The following KCNAB1 variants were observed in gnomAD, a reference collection of about 807,000 sequenced individuals.
KCNAB1 encodes the protein voltage-gated potassium channel subunit beta-1.
A neutral mutation model predicts 64.6 loss-of-function variants in KCNAB1; 35 were observed. The observed-to-expected ratio is 0.54, with a 90% confidence interval of 0.41 to 0.72. The LOEUF is 0.72. KCNAB1 is among the 30% of genes least tolerant of loss of function. The pLI is 0.00. For missense variants in KCNAB1, 401 were observed against 512.9 expected, an observed-to-expected ratio of 0.78 and a Z score of 2.11; for synonymous variants, 177 against 183.8, an observed-to-expected ratio of 0.96 and a Z score of 0.30.
At chr3:156,352,981 C>T (rs1383174004) in intron 1 of KCNAB1, among the ~76,000 whole-genome samples, 1 of 152,242 alleles carries the variant, frequency 6.6e-6, no homozygotes. Context: ...TGCCTGGGCT[C>T]ACCCCACACA....
rs371800296 is a variant in KCNAB1, at chr3:156,279,191, C to T, written c.276-142425C>T. Among the ~76,000 whole-genome samples the T allele has an allele frequency of 9.5e-4, 142 of 149,174 alleles. 2 individuals carry two copies. In the South Asian group the frequency reaches 0.014, roughly 15 times the overall value. Reference sequence around the variant, plus strand: ...TCCATGTGATCTCATTGTTCAGTTCCCACCTATGAGTGAGAATATGCGGTG... The same window carrying T: ...TCCATGTGATCTCATTGTTCAGTTCTCACCTATGAGTGAGAATATGCGGTG... On this transcript the variant is annotated intron_variant, in intron 1 of 13. Transcript: ENST00000490337.
chr3:156,520,424 AC>A (rs1717865887), intron 11 of KCNAB1, among the ~76,000 whole-genome samples: 1 of 152,124 alleles, frequency 6.6e-6, no homozygotes, highest in African/African-American at 2.4e-5. Flanking sequence ...CTACAAAAAT[AC>A]AAAAAATTAG....
At chr3:156,384,192 A>G (rs1250588669) in intron 1 of KCNAB1, among the ~76,000 whole-genome samples, 2 of 152,244 alleles carry the variant, frequency 1.3e-5, no homozygotes, top group Admixed American at 1.3e-4. Flanking sequence ...ACTGAATGGC[A>G]GCTTGTTGGA....
At position 156,120,725 on chromosome 3, in the gene KCNAB1, C is replaced by T. The variant is rs773017927; in HGVS notation, c.114C>T (p.Ala38=). 8.1e-6 allele frequency: 13 copies of T among 1,614,098 alleles called. No homozygotes were observed. In the South Asian group the frequency reaches 1.2e-4, roughly 15 times the overall value. Residue 38 remains alanine (A), a synonymous_variant, in exon 1 of 14, where the codon GCC becomes GCT. Transcript: ENST00000490337. The stretch of plus-strand genomic sequence containing the variant: ...GGAAAGACAAATCTCCCAAGAAAGC[C>T]TCAGAAAACGCTAAAGACAGCAGCC... The part of the protein sequence containing the change: ...VAGKDKSPKK[A]SENAKDSSLS...
At chr3:156,210,163 G>A (rs1174277918) in intron 1 of KCNAB1, among the ~76,000 whole-genome samples, 1 of 152,134 alleles carries the variant, frequency 6.6e-6, no homozygotes, top group Non-Finnish European at 1.5e-5. Flanking sequence ...GAGGGTTGCT[G>A]CTCAGGAAGG....
intron 2 of KCNAB1, among the ~76,000 whole-genome samples, chr3:156,448,489 A>T (rs1438005219): frequency 1.3e-5 from 2 of 152,150 alleles, no homozygotes; most frequent in East Asian, 3.9e-4. Flanking sequence ...GCAGGAGGGG[A>T]TGTGTCCTGT....
At chr3:156,292,108 G>A in intron 1 of KCNAB1, 2 of 1,613,978 alleles carry the variant, frequency 1.2e-6, no homozygotes, top group Non-Finnish European at 1.7e-6. Flanking sequence ...CCACCGCAAA[G>A]CAGACTGGCA....
At chr3:156,417,887 A>G (rs1436840391) in intron 1 of KCNAB1, among the ~76,000 whole-genome samples, 6 of 152,236 alleles carry the variant, frequency 3.9e-5, no homozygotes, top group Non-Finnish European at 2.9e-5. Context: ...TGAGCTCTCA[A>G]GAAGCTATAT....
intron 1 of KCNAB1, among the ~76,000 whole-genome samples, chr3:156,179,330 T>C (rs1338295066): frequency 6.6e-6 from 1 of 152,112 alleles, no homozygotes; most frequent in African/African-American, 2.4e-5. Context: ...TACCTTTCCT[T>C]TCCATTCCAT....
chr3:156,209,807 A>G (rs1425888139), intron 1 of KCNAB1, among the ~76,000 whole-genome samples: 1 of 152,220 alleles, frequency 6.6e-6, no homozygotes, highest in Non-Finnish European at 1.5e-5. Flanking sequence ...TGCCTTCAGC[A>G]TCTTGTTCAA....
At chr3:156,363,515 G>A (rs1461850211) in intron 1 of KCNAB1, among the ~76,000 whole-genome samples, 3 of 150,010 alleles carry the variant, frequency 2.0e-5, no homozygotes, top group Non-Finnish European at 4.4e-5. Context: ...TTGCTCTGTT[G>A]CCCAGGCTGG....
chr3:156,280,276 G>T (rs1478440794), intron 1 of KCNAB1, among the ~76,000 whole-genome samples: 5 of 148,420 alleles, frequency 3.4e-5, no homozygotes, highest in South Asian at 2.2e-4. Context: ...TCAGATAGTT[G>T]TAGATATGCG....
chr3:156,491,395 A>G (rs1363798356), intron 8 of KCNAB1, among the ~76,000 whole-genome samples: 1 of 152,132 alleles, frequency 6.6e-6, no homozygotes, highest in East Asian at 1.9e-4. Flanking sequence ...GGAAAACTGT[A>G]CTGAGAGATA....
At chr3:156,284,785 T>C (rs1719991796) in intron 1 of KCNAB1, among the ~76,000 whole-genome samples, 1 of 152,206 alleles carries the variant, frequency 6.6e-6, no homozygotes, top group East Asian at 1.9e-4. Flanking sequence ...CCTGACCCCT[T>C]GTGCTTCCCA....
intron 1 of KCNAB1, among the ~76,000 whole-genome samples, chr3:156,377,946 C>G (rs1711819640): frequency 6.6e-6 from 1 of 152,084 alleles, no homozygotes; most frequent in South Asian, 2.1e-4. Flanking sequence ...TGCAGAGAGA[C>G]ACTGTCAGTG....
At chr3:156,233,902 G>C (rs1041998865) in intron 1 of KCNAB1, among the ~76,000 whole-genome samples, 2 of 151,986 alleles carry the variant, frequency 1.3e-5, no homozygotes, top group African/African-American at 4.8e-5. Context: ...AAAAGAGTTA[G>C]AGTAGGAGCA....
chr3:156,373,897 G>C (rs1042345169), intron 1 of KCNAB1, among the ~76,000 whole-genome samples: 4 of 152,228 alleles, frequency 2.6e-5, no homozygotes, highest in Non-Finnish European at 4.4e-5. Context: ...ATTCAGGCCA[G>C]GCAAGGGGCT....
chr3:156,170,657 A>T (rs778704332), intron 1 of KCNAB1, among the ~76,000 whole-genome samples: 3 of 152,160 alleles, frequency 2.0e-5, no homozygotes, highest in Admixed American at 6.5e-5. Context: ...GGTTACATAT[A>T]ATAATATTCA....
intron 1 of KCNAB1, among the ~76,000 whole-genome samples, chr3:156,390,015 A>G (rs1480565015): frequency 6.6e-6 from 1 of 151,996 alleles, no homozygotes; most frequent in Non-Finnish European, 1.5e-5. Context: ...GCTTACACAG[A>G]CATATCATTT....
Sources: allele counts gnomAD v4.1 joint callset (sites outside exome capture counted in the v4.1 genomes callset), GRCh38; gene constraint gnomAD v4.1.1; transcripts MANE v1.5; gene names NCBI Gene and HGNC (gene_info 2026-07-23, HGNC 2026-07-21).